Variants in DNAH10 observed in about 807,000 individuals in gnomAD.
DNAH10 encodes the protein axonemal beta dynein heavy chain 10.
Under a neutral mutation model 506.6 loss-of-function variants are expected in DNAH10, and 348 were observed. That is an observed-to-expected ratio of 0.69 (90% CI 0.63 to 0.75). DNAH10 has a LOEUF of 0.75. Among genes scored for constraint, DNAH10 ranks in the 30% least tolerant of loss-of-function variants. The pLI, the probability that DNAH10 is intolerant of heterozygous loss-of-function variation, is 0.00. For synonymous variants in DNAH10, 2,059 were observed against 2,198.6 expected, an observed-to-expected ratio of 0.94 and a Z score of 1.78; for missense variants, 5,179 against 5,787.1, an observed-to-expected ratio of 0.89 and a Z score of 3.41.
In DNAH10 at chr12:123,881,596, T is replaced by A. The variant is rs754468421; in HGVS notation, c.8635-29T>A. On this transcript the variant is annotated intron_variant, in intron 50 of 78. Coordinates refer to ENST00000673944, the MANE Select transcript of DNAH10 (RefSeq NM_001372106.1). The stretch of plus-strand genomic sequence containing the variant: ...ATTGTAAAACCCACCATGCTGGGTT[T>A]TGAATTCTTTTTTTTTTTTTAAATG... 2.7e-6 allele frequency: 4 copies of A among 1,503,386 alleles called. No individual in the cohort carries two copies. In the African/African-American group the frequency reaches 6.0e-5, roughly 23 times the overall value. The allele number at this position is 1,503,386 out of a possible 1,614,324, so 93.1% of individuals were successfully genotyped here. A position where few individuals can be genotyped will look rare whatever the true frequency, so the allele number is the denominator to read the frequency against.
intron 4 of DNAH10, among the ~76,000 whole-genome samples, chr12:123,773,837 C>G (rs1366800270): frequency 6.6e-6 from 1 of 152,210 alleles, no homozygotes; most frequent in Non-Finnish European, 1.5e-5. Context: ...AAGAATCCAG[C>G]CAACATTTCT....
intron 16 of DNAH10, among the ~76,000 whole-genome samples, chr12:123,803,143 A>G (rs1284824174): frequency 2.0e-4 from 31 of 152,204 alleles, no homozygotes; most frequent in Admixed American, 2.0e-3. Flanking sequence ...TCGAAGAATC[A>G]TAAGTTTTTT....
At chr12:123,808,706 A>G (rs1958809682) in intron 18 of DNAH10, 91 bp from the exon 19 acceptor site, 1 of 1,424,014 alleles carries the variant, frequency 7.0e-7, no homozygotes, top group South Asian at 1.3e-5. Flanking sequence ...TGTACCTGTG[A>G]TTTTTGTGGC....
chr12:123,926,587 T>C lies in DNAH10; in HGVS notation c.11922-50T>C. 6.3e-7 allele frequency: 1 copy of C among 1,580,640 alleles called. No individual in the cohort carries two copies. Among genetic ancestry groups the C allele is most frequent in the Non-Finnish European group, 8.6e-7 (1 of 1,160,420 alleles). Reference sequence around the variant, plus strand: ...GCTGATCAGACAGACCAGCCCCTGGTCTGGAGCTGTCCTCGCGGGAGAGTT... The same window carrying C: ...GCTGATCAGACAGACCAGCCCCTGGCCTGGAGCTGTCCTCGCGGGAGAGTT... On this transcript the variant is annotated intron_variant, in intron 68 of 78. Transcript: ENST00000673944. The surrounding 1 kb of genome is among the most constrained non-coding windows in gnomAD (Gnocchi z 4.1).
chr12:123,774,070 G>C (rs1957351571), intron 4 of DNAH10, 79 bp from the exon 5 acceptor site: 3 of 892,940 alleles, frequency 3.4e-6, no homozygotes, highest in Non-Finnish European at 5.2e-6. Flanking sequence ...AGAAGGAGAA[G>C]ATTCCTGTTC....
rs546580617 is a variant in DNAH10, at chr12:123,833,717, A to T, written c.4779+370A>T. On this transcript the variant is annotated intron_variant, in intron 27 of 78. Transcript: ENST00000673944. ...CCTTTTCGATTTCTCTACACTTTTT[A>T]AAAAAATGTCTGTTGACTCTCTCTT... Among the ~76,000 whole-genome samples, 12 of 152,228 alleles carry T rather than the reference A, an allele frequency of 7.9e-5. No homozygotes were observed. In the East Asian group the frequency reaches 9.6e-4, roughly 12 times the overall value.
intron 43 of DNAH10, among the ~76,000 whole-genome samples, chr12:123,869,795 T>C (rs933074700): frequency 3.9e-5 from 6 of 152,190 alleles, no homozygotes; most frequent in African/African-American, 1.4e-4. Context: ...TGTCAGCTCT[T>C]AGACATGCTC....
chr12:123,877,732 T>G lies in DNAH10; in HGVS notation c.8200-4T>G. The G allele has an allele frequency of 6.2e-7, 1 of 1,609,270 alleles. No individual in the cohort carries two copies. Among genetic ancestry groups the G allele is most frequent in the Non-Finnish European group, 8.5e-7 (1 of 1,177,874 alleles). On this transcript the variant is annotated splice_polypyrimidine_tract_variant and splice_region_variant and intron_variant, in intron 47 of 78. Coordinates refer to ENST00000673944, the MANE Select transcript of DNAH10 (RefSeq NM_001372106.1). ...GTTGGGGGGGGTGTCTTTGCATTTT[T>G]CAGACGTTTCATGAGAGCATTGTGG...
rs1395311984 is a variant in DNAH10 at position 123,864,602 on chromosome 12, T to C, written c.6916T>C (p.Leu2306=). Residue 2306 remains leucine, a synonymous_variant, in exon 40 of 79, where the codon TTA becomes CTA. Coordinates refer to ENST00000673944, the MANE Select transcript of DNAH10 (RefSeq NM_001372106.1). ...PTDKKERKYI[L]FDGDVDALWV... is the part of the protein sequence containing the mutation. ...TTTCTTTGGTTGCTGCAGGTATATT[T>C]TATTTGATGGTGATGTGGATGCTCT... 1 of 1,613,770 alleles carries C rather than the reference T, an allele frequency of 6.2e-7. No individual in the cohort carries two copies. The highest frequency in any genetic ancestry group is 8.5e-7 in the Non-Finnish European group (1 of 1,179,802).
intron 21 of DNAH10, among the ~76,000 whole-genome samples, chr12:123,815,541 C>T (rs1000133691): frequency 1.1e-4 from 17 of 151,874 alleles, no homozygotes; most frequent in Admixed American, 6.6e-4. Flanking sequence ...AATTCCTGTA[C>T]GAGGCTGGAT....
At chr12:123,872,516 G>A (rs1952075602) in intron 45 of DNAH10, among the ~76,000 whole-genome samples, 1 of 152,174 alleles carries the variant, frequency 6.6e-6, no homozygotes, top group African/African-American at 2.4e-5. Flanking sequence ...TACACATTCA[G>A]CTTCAACACG....
At chr12:123,814,763 C>T (rs911667282) in intron 21 of DNAH10, among the ~76,000 whole-genome samples, 23 of 152,108 alleles carry the variant, frequency 1.5e-4, no homozygotes, top group African/African-American at 4.8e-4. Context: ...TACAGGCACC[C>T]GCCACCACAC....
chr12:123,899,403 T>C (rs10744163), intron 56 of DNAH10, among the ~76,000 whole-genome samples: 99,200 of 151,926 alleles, frequency 0.65, 33,269 homozygotes, highest in East Asian at 1. Context: ...CTCCCCAGCT[T>C]GTTCCCAGAT....
intron 72 of DNAH10, 62 bp downstream of exon 72, chr12:123,929,821 C>A: frequency 2.0e-6 from 3 of 1,465,432 alleles, no homozygotes; most frequent in African/African-American, 1.4e-5. Context: ...TGGCCTCGTG[C>A]CCCTATTTTC....
rs894849589 is a variant in DNAH10 at position 123,825,991 on chromosome 12, G to T, written c.4180-696G>T. On this transcript the variant is annotated intron_variant, in intron 24 of 78. Transcript: ENST00000673944. ...AAATAAAAAATATCCAGGCCTGGTG[G>T]TGCATGTCTGTCGTCTCAGCTACTC... 3.3e-5 allele frequency among the ~76,000 whole-genome samples: 5 copies of T among 152,106 alleles called. No homozygotes were observed. In the South Asian group the frequency reaches 1.0e-3, roughly 32 times the overall value.
intron 52 of DNAH10, among the ~76,000 whole-genome samples, chr12:123,888,326 GCCCTCTAAAAGACACAT>G (rs974874349): frequency 9.2e-5 from 14 of 152,330 alleles, no homozygotes; most frequent in African/African-American, 3.1e-4. Flanking sequence ...CTGAATGGCG[GCCCTCTAAAAGACACAT>G]CCTAAACCCC....
chr12:123,867,673 G>A lies in DNAH10; in HGVS notation c.7302+72G>A, dbSNP rs1951865128. 90 of 1,589,052 alleles carry A rather than the reference G, an allele frequency of 5.7e-5. 1 individual carries two copies. The South Asian group carries it at 1.0e-3, about 18-fold the overall frequency. Reference sequence around the variant, plus strand: ...GACAAGCTCACGGTAGGGTTTTAAAGGGAGTGAAGATGCCAGACAGGGTGA... The same window carrying A: ...GACAAGCTCACGGTAGGGTTTTAAAAGGAGTGAAGATGCCAGACAGGGTGA... On this transcript the variant is annotated intron_variant, in intron 42 of 78. Coordinates refer to ENST00000673944, the MANE Select transcript of DNAH10 (RefSeq NM_001372106.1).
chr12:123,783,828 C>T (rs1594011514), intron 7 of DNAH10, 119 bp from the exon 8 acceptor site: 1 of 908,022 alleles, frequency 1.1e-6, no homozygotes, highest in South Asian at 1.6e-5. Context: ...GAGCCCACCC[C>T]TGAAGACCCT....
chr12:123,869,467 C>T (rs539709899), intron 43 of DNAH10, among the ~76,000 whole-genome samples: 4 of 152,312 alleles, frequency 2.6e-5, no homozygotes, highest in African/African-American at 9.6e-5. Flanking sequence ...TCCCAGTCCC[C>T]AGCTGGCACA....
Sources: allele counts gnomAD v4.1 joint callset (sites outside exome capture counted in the v4.1 genomes callset), GRCh38; gene constraint gnomAD v4.1.1; non-coding constraint Gnocchi (gnomAD v3.1); transcripts MANE v1.5; gene names NCBI Gene and HGNC (gene_info 2026-07-23, HGNC 2026-07-21).